The following KRT34 variants were observed in gnomAD, a reference collection of about 807,000 sequenced individuals.
KRT34 encodes keratin, type I cuticular Ha4.
A neutral mutation model predicts 41.7 loss-of-function variants in KRT34; 31 were observed. The ratio of observed to expected loss-of-function variants is 0.74; its 90% confidence interval spans 0.56 to 1.00. The LOEUF (loss-of-function observed/expected upper bound fraction) is 1.00. KRT34 is among the 50% of genes least tolerant of loss of function. KRT34 has a pLI of 0.00. For missense variants in KRT34, 523 were observed against 500.3 expected (o/e 1.05, Z -0.43); for synonymous variants, 224 against 212.9 (o/e 1.05, Z -0.45).
Position 41,377,788 on chromosome 17 carries a change from G to T in KRT34, c.*271C>A. ...GTAGTACGTTCAGGAAACACCTTAA[G>T]TAGTAACTGGAGCTCAGATTACAGG... On this transcript the variant is annotated 3_prime_UTR_variant, in exon 7 of 7. Coordinates refer to ENST00000394001, the MANE Select transcript of KRT34 (RefSeq NM_001386014.1). The T allele has an allele frequency of 2.3e-6, 1 of 442,468 alleles. No homozygotes were observed. Among genetic ancestry groups the T allele is most frequent in the Non-Finnish European group, 4.1e-6 (1 of 246,614 alleles). The allele number at this position is 442,468 out of a possible 1,614,324, so 27.4% of individuals were successfully genotyped here.
In KRT34 at chr17:41,381,792, G is replaced by C; in HGVS notation, c.352C>G (p.Leu118Val). ...KTIEELQQKI[L>V]CAKAENARLV... The stretch of plus-strand genomic sequence containing the variant: ...CTGGCATTCTCAGCCTTGGCACACA[G>C]AATCTGAAAAGAAATTTCTCTCATG... Residue 118 changes from leucine to valine, a missense_variant, in exon 2 of 7, where the codon CTG (leucine) becomes GTG (valine). Physicochemically the swap from Leu to Val is conservative, Grantham distance 32. Coordinates refer to ENST00000394001, the MANE Select transcript of KRT34 (RefSeq NM_001386014.1). 2 of 1,614,210 alleles carry C rather than the reference G, an allele frequency of 1.2e-6. No homozygotes were observed. The highest frequency in any genetic ancestry group is 2.7e-5 in the African/African-American group (2 of 75,062).
chr17:41,381,977 C>A lies in KRT34; in HGVS notation c.270G>T (p.Glu90Asp). ...DNAELEKLIQERSQQQEPLLC... is the reference protein window; with the variant it reads ...DNAELEKLIQDRSQQQEPLLC... ...GCAAGGGCTCCTGCTGCTGGGACCGCTCCTGGATGAGTTTCTCCAGCTCCG... is the reference window on the plus strand; with the variant it reads ...GCAAGGGCTCCTGCTGCTGGGACCGATCCTGGATGAGTTTCTCCAGCTCCG... Residue 90 changes from glutamate to aspartate, a missense_variant, in exon 1 of 7, where the codon GAG (glutamate) becomes GAT (aspartate). Coordinates refer to ENST00000394001, the MANE Select transcript of KRT34 (RefSeq NM_001386014.1). 3 of 1,614,298 alleles carry A rather than the reference C, an allele frequency of 1.9e-6. No homozygotes were observed. Among genetic ancestry groups the A allele is most frequent in the Non-Finnish European group, 2.5e-6 (3 of 1,180,054 alleles).
At chr17:41,380,255 C>CA (rs35215699) in intron 3 of KRT34, among the ~76,000 whole-genome samples, 20,396 of 136,296 alleles carry the variant, frequency 0.15, 2,546 homozygotes, top group African/African-American at 0.39. Context: ...ATGACTCCGT[C>CA]AAAAAAAAAA....
At chr17:41,382,966 C>G (rs1034725401), upstream of KRT34, among the ~76,000 whole-genome samples, 2 of 151,858 alleles carry the variant, frequency 1.3e-5, no homozygotes, top group African/African-American at 2.4e-5. Flanking sequence ...TGGCAGCCCA[C>G]ACGTCAAGTT....
chr17:41,381,611 C>A, intron 2 of KRT34, 102 bp downstream of exon 2: 1 of 1,035,790 alleles, frequency 9.7e-7, no homozygotes, highest in South Asian at 1.5e-5. Flanking sequence ...ATAACCAGCC[C>A]TAGGAGGAGA....
intron 4 of KRT34, 37 bp downstream of exon 4, chr17:41,379,533 C>A (rs2017929515): frequency 1.2e-6 from 2 of 1,613,750 alleles, no homozygotes; most frequent in Non-Finnish European, 1.7e-6. Context: ...CCCTGGGGCA[C>A]CTCGGGTCCT....
At position 41,382,301 on chromosome 17, in the gene KRT34, A is replaced by C; in HGVS notation, c.-55T>G. 2 of 1,613,358 alleles carry C rather than the reference A, an allele frequency of 1.2e-6. No individual in the cohort carries two copies. Among genetic ancestry groups the C allele is most frequent in the Admixed American group, 3.3e-5 (2 of 60,032 alleles). Reference sequence around the variant, plus strand: ...TAAGCTGCTGGAGGTGGATGTGGGCAGGTTTGAGTCTCTCCTTCCTCTGCA... The same window carrying C: ...TAAGCTGCTGGAGGTGGATGTGGGCCGGTTTGAGTCTCTCCTTCCTCTGCA... On this transcript the variant is annotated 5_prime_UTR_variant, in exon 1 of 7. Coordinates refer to ENST00000394001, the MANE Select transcript of KRT34 (RefSeq NM_001386014.1).
In KRT34 at chr17:41,379,574, G is replaced by A. The variant is rs556897929; in HGVS notation, c.746C>T (p.Thr249Met). The A allele has an allele frequency of 8.7e-6, 14 of 1,613,936 alleles. No individual in the cohort carries two copies. The highest frequency in any genetic ancestry group is 5.3e-5 in the African/African-American group (4 of 75,056). ...NRREVEQWFA[T>M]QTEELNKQVV... is the part of the protein sequence containing the mutation. ...GCCATGTGCTTAGATGCCCACCTGC[G>A]TGGCGAACCATTGCTCCACTTCCCT... Residue 249 changes from threonine (T) to methionine (M), a missense_variant, in exon 4 of 7, where the codon ACG becomes ATG. Transcript: ENST00000394001.
chr17:41,382,065 T>A lies in KRT34; in HGVS notation c.182A>T (p.Gln61Leu). 2 of 1,613,538 alleles carry A rather than the reference T, an allele frequency of 1.2e-6. No homozygotes were observed. Among genetic ancestry groups the A allele is most frequent in the Non-Finnish European group, 1.7e-6 (2 of 1,180,052 alleles). Residue 61 changes from glutamine to leucine, a missense_variant, in exon 1 of 7, where the codon CAG becomes CTG. Transcript: ENST00000394001. ...SFNGSEKETM[Q>L]FLNDRLASYL... is the part of the protein sequence containing the mutation. ...GCTGGCCAGGCGGTCGTTCAGGAAC[T>A]GCATAGTCTCCTTCTCGCTGCCATT...
rs151002104 is a variant in KRT34, at chr17:41,379,156, C to T, written c.897G>A (p.Thr299=). 126 of 1,614,216 alleles carry T rather than the reference C, an allele frequency of 7.8e-5. No homozygotes were observed. The South Asian group carries it at 9.6e-4, about 12-fold the overall frequency. Residue 299 remains threonine, a synonymous_variant, in exon 6 of 7, where the codon ACG becomes ACA. Transcript: ENST00000394001. ...QHNLRDSLEN[T]LTESEAHYSS... is the part of the protein sequence containing the mutation. ...TGTAGTGGGCCTCGCTCTCCGTCAG[C>T]GTGTTTTCCAGAGAGTCTCGCTGTG...
intron 2 of KRT34, 47 bp from the exon 3 acceptor site, chr17:41,381,259 T>C (rs2144331176): frequency 2.5e-6 from 4 of 1,585,474 alleles, no homozygotes; most frequent in Admixed American, 1.7e-5. Context: ...AAAACCACCT[T>C]CCCCTCTCAT....
At chr17:41,379,509 C>A (rs555321847) in intron 4 of KRT34, 31 bp from the exon 5 acceptor site, 2 of 1,614,166 alleles carry the variant, frequency 1.2e-6, no homozygotes, top group South Asian at 1.1e-5. Flanking sequence ...AAGGATCAGA[C>A]CCTGTCTCCA....
At chr17:41,379,272 G>A (rs2017919716) in intron 5 of KRT34, 81 bp downstream of exon 5, 1 of 1,609,992 alleles carries the variant, frequency 6.2e-7, no homozygotes, top group South Asian at 1.1e-5. Context: ...GAGCTAAGGA[G>A]AGTGTGTGGC....
rs1470262051 is a variant in KRT34 at position 41,381,884 on chromosome 17, G to A, written c.348+15C>T. 1 of 1,613,394 alleles carries A rather than the reference G, an allele frequency of 6.2e-7. No homozygotes were observed. On this transcript the variant is annotated intron_variant, in intron 1 of 6. Transcript: ENST00000394001. The stretch of plus-strand genomic sequence containing the variant: ...GCCAGCTGCTGCTGGCCCCCCATAT[G>A]GCCAACCCCCTCACCTTCTGCTGGA...
intron 2 of KRT34, 148 bp downstream of exon 2, chr17:41,381,565 A>C (rs2017985542): frequency 4.3e-6 from 3 of 703,850 alleles, no homozygotes; most frequent in Admixed American, 2.9e-5. Context: ...AGCAGGCAGC[A>C]CATGAGTCTA....
In KRT34 at chr17:41,377,841, G is replaced by C. The variant is rs530445930; in HGVS notation, c.*218C>G. 42 of 526,980 alleles carry C rather than the reference G, an allele frequency of 8.0e-5. No homozygotes were observed. The South Asian group carries it at 9.0e-4, about 11-fold the overall frequency. The allele number at this position is 526,980 out of a possible 1,614,324, so 32.6% of individuals were successfully genotyped here. Reference sequence around the variant, plus strand: ...GCTGAACATCTTTAGAAACAAACAGGCTCGACCCTCAACAGGAAGGAGTTG... The same window carrying C: ...GCTGAACATCTTTAGAAACAAACAGCCTCGACCCTCAACAGGAAGGAGTTG... On this transcript the variant is annotated 3_prime_UTR_variant, in exon 7 of 7. Transcript: ENST00000394001.
chr17:41,381,612 T>C (rs888281874), intron 2 of KRT34, 101 bp downstream of exon 2: 2 of 1,042,200 alleles, frequency 1.9e-6, no homozygotes, highest in African/African-American at 3.1e-5. Context: ...TAACCAGCCC[T>C]AGGAGGAGAA....
intron 3 of KRT34, among the ~76,000 whole-genome samples, chr17:41,380,742 C>T (rs931454613): frequency 4.6e-5 from 7 of 152,138 alleles, no homozygotes; most frequent in Admixed American, 2.6e-4. Context: ...AAGAAAAGGG[C>T]CATGTCTTAT....
In KRT34 at chr17:41,377,859, AG is replaced by A. The variant is rs763371337; in HGVS notation, c.*199del. 31 of 546,062 alleles carry A rather than the reference AG, an allele frequency of 5.7e-5. No homozygotes were observed. The highest frequency in any genetic ancestry group is 2.3e-5 in the Non-Finnish European group (7 of 303,866). The allele number at this position is 546,062 out of a possible 1,614,324, so 33.8% of individuals were successfully genotyped here. ...CAAACAGGCTCGACCCTCAACAGGA[AG>A]GAGTTGTCCAGACATTGGAAGTTGA... is the stretch of plus-strand genomic sequence containing the variant. On this transcript the variant is annotated 3_prime_UTR_variant, in exon 7 of 7. Transcript: ENST00000394001.
Sources: allele counts gnomAD v4.1 joint callset (sites outside exome capture counted in the v4.1 genomes callset), GRCh38; gene constraint gnomAD v4.1.1; transcripts MANE v1.5; gene names NCBI Gene and HGNC (gene_info 2026-07-23, HGNC 2026-07-21).